The following HTR2C variants were observed in gnomAD, a reference collection of about 807,000 sequenced individuals.
The protein encoded by HTR2C is 5-hydroxytryptamine receptor 2C.
HTR2C carries 5 observed loss-of-function variants against 21.0 expected under a neutral mutation model. The observed-to-expected ratio is 0.24, with a 90% CI of 0.12 to 0.50. The LOEUF (loss-of-function observed/expected upper bound fraction) is 0.50. Ranked by LOEUF, HTR2C falls within the 20% of genes least tolerant of loss-of-function variation. HTR2C has a pLI of 0.98. For synonymous variants in HTR2C, 150 were observed against 145.3 expected, an observed-to-expected ratio of 1.03 and a Z score of -0.23; for missense variants, 271 against 371.2, an observed-to-expected ratio of 0.73 and a Z score of 2.22.
At chrX:114,773,240 TA>T (rs2070023719) in intron 4 of HTR2C, among the ~76,000 whole-genome samples, 1 of 111,638 alleles carries the variant, frequency 9.0e-6, no homozygotes, top group Non-Finnish European at 1.9e-5. Flanking sequence ...TAAAAACTGG[TA>T]AACACAGTAT....
intron 2 of HTR2C, among the ~76,000 whole-genome samples, chrX:114,692,590 C>G (rs906130647): frequency 2.3e-4 from 25 of 110,058 alleles, no homozygotes; most frequent in African/African-American, 7.9e-4. Flanking sequence ...TTTTTTGCCA[C>G]TACTTTTGAG....
chrX:114,844,001 A>C (rs1217572048), intron 4 of HTR2C, among the ~76,000 whole-genome samples: 1 of 111,437 alleles, frequency 9.0e-6, no homozygotes, highest in Admixed American at 9.6e-5. Flanking sequence ...GGAGTCCTTC[A>C]GGATGAAATG....
At chrX:114,853,114 A>C (rs1432498709) in intron 5 of HTR2C, among the ~76,000 whole-genome samples, 1 of 111,247 alleles carries the variant, frequency 9.0e-6, no homozygotes, top group Non-Finnish European at 1.9e-5. Flanking sequence ...ACCTCAGTGT[A>C]ATTTTAATTT....
At chrX:114,806,749 T>TACACCATATATATAC (rs1194535117) in intron 4 of HTR2C, among the ~76,000 whole-genome samples, 10 of 12,358 alleles carry the variant, frequency 8.1e-4, no homozygotes, top group Admixed American at 2.0e-3. Flanking sequence ...ACCATATATA[T>TACACCATATATATAC]ACACCATATA....
intron 2 of HTR2C, among the ~76,000 whole-genome samples, chrX:114,682,022 A>C (rs1169803665): frequency 9.0e-6 from 1 of 111,424 alleles, no homozygotes; most frequent in Non-Finnish European, 1.9e-5. Flanking sequence ...TTTCATCTTG[A>C]GTAGCTGAAC....
chrX:114,731,675 A>G, intron 4 of HTR2C, 68 bp downstream of exon 4: 1 of 796,645 alleles, frequency 1.3e-6, no homozygotes, highest in South Asian at 3.1e-5. Flanking sequence ...GTAAACACTC[A>G]TAAAGTTAAT....
rs192258966 is a variant in HTR2C, at chrX:114,604,365, G to A, written c.-146-9450G>A. Among the ~76,000 whole-genome samples, 537 of 110,377 alleles carry A rather than the reference G, an allele frequency of 4.9e-3. 1 individual carries two copies. The highest frequency in any genetic ancestry group is 0.017 in the African/African-American group (513 of 30,249). On this transcript the variant is annotated intron_variant, in intron 1 of 5. Coordinates refer to ENST00000276198, the MANE Select transcript of HTR2C (RefSeq NM_000868.4). ...CACCAGAGTTGGGGAGTTTTAAGAG[G>A]TTTAGAAGCCTGGCCGTCAATACCC...
intron 4 of HTR2C, among the ~76,000 whole-genome samples, chrX:114,812,855 C>T (rs1556453198): frequency 9.0e-6 from 1 of 111,363 alleles, no homozygotes; most frequent in African/African-American, 3.3e-5. Context: ...CTGAGTAATA[C>T]CAGTTTATAA....
chrX:114,894,925 GC>G (rs782084439), intron 5 of HTR2C, among the ~76,000 whole-genome samples: 2 of 110,792 alleles, frequency 1.8e-5, no homozygotes, highest in East Asian at 5.7e-4. Flanking sequence ...CACCGTGTTG[GC>G]CAGGCTGGAC....
At chrX:114,778,388 T>C (rs2147397717) in intron 4 of HTR2C, among the ~76,000 whole-genome samples, 1 of 111,934 alleles carries the variant, frequency 8.9e-6, no homozygotes, top group Non-Finnish European at 1.9e-5. Flanking sequence ...TTAACAAAAT[T>C]ATTCTTAGGA....
Position 114,907,181 on chromosome X carries a change from C to T in HTR2C, c.1143C>T (p.Asn381=). 1 of 1,210,813 alleles carries T rather than the reference C, an allele frequency of 8.3e-7. No individual in the cohort carries two copies. The highest frequency in any genetic ancestry group is 1.8e-5 in the South Asian group (1 of 56,949). Residue 381 remains asparagine, a synonymous_variant, in exon 6 of 6, where the codon AAC becomes AAT. Coordinates refer to ENST00000276198, the MANE Select transcript of HTR2C (RefSeq NM_000868.4). ...AAATTTACCGAAGGGCATTCTCCAA[C>T]TATTTGCGTTGCAATTATAAGGTAG... is the stretch of plus-strand genomic sequence containing the variant. The part of the protein sequence containing the change: ...FNKIYRRAFS[N]YLRCNYKVEK...
chrX:114,601,284 C>G (rs1330360772), intron 1 of HTR2C, among the ~76,000 whole-genome samples: 2 of 111,065 alleles, frequency 1.8e-5, no homozygotes, highest in Non-Finnish European at 3.8e-5. Context: ...ATGTGCGTCC[C>G]TGTGAAGAGA....
intron 2 of HTR2C, among the ~76,000 whole-genome samples, chrX:114,620,300 C>T (rs1272383410): frequency 8.9e-6 from 1 of 112,235 alleles, no homozygotes; most frequent in African/African-American, 3.2e-5. Context: ...GAATAAGTTT[C>T]ACTTGCCCTG....
intron 4 of HTR2C, among the ~76,000 whole-genome samples, chrX:114,753,112 G>GTT (rs10716362): frequency 4.1e-4 from 43 of 103,904 alleles, no homozygotes; most frequent in Admixed American, 6.4e-4. Context: ...CTTCCCTGTG[G>GTT]TTTTTTTTTA....
chrX:114,826,247 G>A (rs1254134125), intron 4 of HTR2C, among the ~76,000 whole-genome samples: 2 of 110,041 alleles, frequency 1.8e-5, no homozygotes, highest in Non-Finnish European at 3.8e-5. Flanking sequence ...AGTTTTTAAA[G>A]TATTTGTAGA....
At chrX:114,792,039 A>G (rs1419066983) in intron 4 of HTR2C, among the ~76,000 whole-genome samples, 13 of 112,045 alleles carry the variant, frequency 1.2e-4, no homozygotes, top group African/African-American at 3.2e-5. Flanking sequence ...GACAAATTCT[A>G]CTACTAAGCC....
intron 2 of HTR2C, among the ~76,000 whole-genome samples, chrX:114,724,794 T>G (rs369581517): frequency 3.9e-5 from 4 of 101,897 alleles, no homozygotes; most frequent in Admixed American, 2.3e-4. Flanking sequence ...TGGCTGGATA[T>G]GAAATTCTGG....
In HTR2C at chrX:114,907,001, G is replaced by A. The variant is rs2071380306; in HGVS notation, c.963G>A (p.Leu321=). Reference sequence around the variant, plus strand: ...TTGGGATTGTTTTCTTTGTGTTTCTGATCATGTGGTGCCCATTTTTCATTA... The same window carrying A: ...TTGGGATTGTTTTCTTTGTGTTTCTAATCATGTGGTGCCCATTTTTCATTA... ...KVLGIVFFVF[L]IMWCPFFITN... is the part of the protein sequence containing the mutation. Residue 321 remains leucine, a synonymous_variant, in exon 6 of 6, where the codon CTG becomes CTA. Transcript: ENST00000276198. The A allele has an allele frequency of 2.5e-6, 3 of 1,211,346 alleles. No homozygotes were observed. The highest frequency in any genetic ancestry group is 3.4e-6 in the Non-Finnish European group (3 of 895,303).
At chrX:114,857,040 C>T (rs2070968099) in intron 5 of HTR2C, among the ~76,000 whole-genome samples, 1 of 111,539 alleles carries the variant, frequency 9.0e-6, no homozygotes, top group Non-Finnish European at 1.9e-5. Context: ...CCGGTGCTAG[C>T]TCCCTTTGTG....
Sources: allele counts gnomAD v4.1 joint callset (sites outside exome capture counted in the v4.1 genomes callset), GRCh38; gene constraint gnomAD v4.1.1; transcripts MANE v1.5; gene names NCBI Gene and HGNC (gene_info 2026-07-23, HGNC 2026-07-21).